DIP2C: variants seen among roughly 807,000 people sequenced by gnomAD.
DIP2C encodes the protein disco-interacting protein 2 homolog C.
Under a neutral mutation model 192.4 loss-of-function variants are expected in DIP2C, and 33 were observed. The ratio of observed to expected loss-of-function variants is 0.17; its 90% CI spans 0.13 to 0.23. The LOEUF is 0.23. Among genes scored for constraint, DIP2C ranks in the 10% least tolerant of loss-of-function variants. DIP2C has a pLI of 1.00. For missense variants in DIP2C, 1,537 were observed against 2,110.1 expected (o/e 0.73, Z 5.32); for synonymous variants, 979 against 864.1 (o/e 1.13, Z -2.33).
At chr10:438,062 G>A (rs1967414102) in intron 4 of DIP2C, 1 of 152,208 alleles carries the variant, frequency 6.6e-6, no homozygotes, top group South Asian at 2.1e-4. Flanking sequence ...ATATCACAAG[G>A]ACTCCTGATG....
At chr10:629,184 G>A (rs1362806390) in intron 1 of DIP2C, among the ~76,000 whole-genome samples, 3 of 152,176 alleles carry the variant, frequency 2.0e-5, no homozygotes, top group Admixed American at 6.5e-5. Flanking sequence ...GGAGACACAC[G>A]GTTGGCCCTG....
intron 32 of DIP2C, among the ~76,000 whole-genome samples, chr10:299,993 T>A (rs961699447): frequency 1.3e-5 from 2 of 151,850 alleles, no homozygotes; most frequent in Non-Finnish European, 2.9e-5. Flanking sequence ...ATAACTACTC[T>A]CAAAAAAATA....
intron 15 of DIP2C, 151 bp from the exon 16 acceptor site, chr10:384,297 T>TG: frequency 1.1e-6 from 1 of 951,474 alleles, no homozygotes; most frequent in Non-Finnish European, 1.5e-6. Context: ...TTTTTTTTTT[T>TG]TTGTGATCTT....
intron 1 of DIP2C, among the ~76,000 whole-genome samples, chr10:684,520 T>C (rs1336353577): frequency 1.3e-5 from 2 of 152,204 alleles, no homozygotes; most frequent in African/African-American, 2.4e-5. Flanking sequence ...ATGAAAATAA[T>C]GTGTACAGAG....
At chr10:327,735 TA>T (rs1304781695) in intron 30 of DIP2C, among the ~76,000 whole-genome samples, 1 of 152,182 alleles carries the variant, frequency 6.6e-6, no homozygotes, top group Non-Finnish European at 1.5e-5. Context: ...AATATAAAAC[TA>T]AAATTTTTGG....
intron 3 of DIP2C, among the ~76,000 whole-genome samples, chr10:460,142 A>AT (rs1285792298): frequency 6.6e-6 from 1 of 151,308 alleles, no homozygotes; most frequent in Non-Finnish European, 1.5e-5. Context: ...AGGGAACGGC[A>AT]TGCTGCACAT....
intron 10 of DIP2C, among the ~76,000 whole-genome samples, chr10:391,068 G>T (rs963682210): frequency 6.6e-6 from 1 of 152,184 alleles, no homozygotes; most frequent in East Asian, 1.9e-4. Flanking sequence ...GGTATAGAAA[G>T]AACAGCTGTC....
At chr10:604,104 C>CCT (rs1257935141) in intron 1 of DIP2C, among the ~76,000 whole-genome samples, 7 of 151,282 alleles carry the variant, frequency 4.6e-5, no homozygotes, top group African/African-American at 1.7e-4. Context: ...CCTCGTACTC[C>CCT]CTCTCATCAA....
At position 445,684 on chromosome 10, in the gene DIP2C, G is replaced by A. The variant is rs146143533; in HGVS notation, c.269-4688C>T. Among the ~76,000 whole-genome samples, 11 of 146,310 alleles carry A rather than the reference G, an allele frequency of 7.5e-5. No individual in the cohort carries two copies. The East Asian group carries it at 2.2e-3, about 29-fold the overall frequency. ...TGTTGTGAAGAGTCCATCTTGCACT[G>A]GACATCTGTATACATCTGTTGTGAA... is the stretch of plus-strand genomic sequence containing the variant. On this transcript the variant is annotated intron_variant, in intron 3 of 36. Transcript: ENST00000280886.
intron 1 of DIP2C, among the ~76,000 whole-genome samples, chr10:541,210 T>C (rs1847966689): frequency 6.6e-6 from 1 of 152,030 alleles, no homozygotes; most frequent in South Asian, 2.1e-4. Flanking sequence ...TCATGGACCC[T>C]GAGTCCGGCC....
intron 3 of DIP2C, among the ~76,000 whole-genome samples, chr10:469,803 G>C (rs1417172866): frequency 6.6e-6 from 1 of 152,158 alleles, no homozygotes; most frequent in East Asian, 1.9e-4. Flanking sequence ...AAATTCCCGA[G>C]CGTGATGCAC....
chr10:685,484 A>G (rs1831299094), intron 1 of DIP2C, among the ~76,000 whole-genome samples: 2 of 152,022 alleles, frequency 1.3e-5, no homozygotes, highest in South Asian at 4.1e-4. Flanking sequence ...CCAAAAACCA[A>G]CAATTTTTGC....
Position 593,986 on chromosome 10 carries a change from G to A in DIP2C, c.85+95508C>T, listed in dbSNP as rs1018311695. Among the ~76,000 whole-genome samples, 15 of 152,330 alleles carry A rather than the reference G, an allele frequency of 9.8e-5. 1 individual carries two copies. The South Asian group carries it at 1.0e-3, about 11-fold the overall frequency. On this transcript the variant is annotated intron_variant, in intron 1 of 36. Coordinates refer to ENST00000280886, the MANE Select transcript of DIP2C (RefSeq NM_014974.3). Reference sequence around the variant, plus strand: ...TATCATGAATGACTCCAACCACGGCGGAACTGGCCGTGGAACCAGTGCCAA... The same window carrying A: ...TATCATGAATGACTCCAACCACGGCAGAACTGGCCGTGGAACCAGTGCCAA...
intron 1 of DIP2C, among the ~76,000 whole-genome samples, chr10:600,592 CT>C (rs1852004232): frequency 7.2e-6 from 1 of 139,368 alleles, no homozygotes; most frequent in African/African-American, 2.8e-5. Context: ...CACAGCAGCC[CT>C]CTCCACCTTA....
chr10:350,632 A>ATTTT (rs56171130), intron 24 of DIP2C, among the ~76,000 whole-genome samples: 35 of 84,222 alleles, frequency 4.2e-4, no homozygotes, highest in African/African-American at 1.5e-3. Context: ...GGGCTCAGGA[A>ATTTT]TTTTTTTTTT....
At chr10:607,202 C>CTT (rs1317894837) in intron 1 of DIP2C, among the ~76,000 whole-genome samples, 2 of 152,194 alleles carry the variant, frequency 1.3e-5, no homozygotes, top group Non-Finnish European at 2.9e-5. Context: ...ATTCAGAAGG[C>CTT]CTAAAGCCTC....
chr10:631,884 C>T (rs1646130798), intron 1 of DIP2C, among the ~76,000 whole-genome samples: 1 of 152,212 alleles, frequency 6.6e-6, no homozygotes, highest in African/African-American at 2.4e-5. Context: ...ATCCCTTTCA[C>T]TTTAATACTC....
At chr10:318,437 G>A (rs937254492) in intron 31 of DIP2C, among the ~76,000 whole-genome samples, 1 of 152,202 alleles carries the variant, frequency 6.6e-6, no homozygotes, top group African/African-American at 2.4e-5. Flanking sequence ...CATGCTGGTG[G>A]GGAAGTCTCG....
intron 29 of DIP2C, among the ~76,000 whole-genome samples, chr10:334,304 C>CAAAAAAAAAAAAAAAA (rs35031456): frequency 1.2e-5 from 1 of 82,414 alleles, no homozygotes; most frequent in African/African-American, 5.2e-5. Context: ...AAGACTGTCT[C>CAAAAAAAAAAAAAAAA]AAAAAAAAAA....
Sources: gnomAD v4.1 joint callset for allele counts (sites outside exome capture counted in the v4.1 genomes callset) on GRCh38, gnomAD v4.1.1 for gene constraint, MANE v1.5 for transcripts, NCBI Gene and HGNC (gene_info 2026-07-23, HGNC 2026-07-21) for gene names.